The following FAM13A variants were observed in gnomAD, a reference collection of about 807,000 sequenced individuals.
FAM13A encodes family with sequence similarity 13 member A, also known as protein FAM13A.
FAM13A carries 76 observed loss-of-function variants against 129.6 expected under a neutral mutation model. The observed-to-expected ratio is 0.59, with a 90% CI of 0.49 to 0.71. The LOEUF (loss-of-function observed/expected upper bound fraction) is 0.71. FAM13A is among the 30% of genes least tolerant of loss of function. The probability of loss-of-function intolerance (pLI) is 0.00; values close to 1 mark genes in which losing one functional copy is unlikely to be tolerated. For synonymous variants in FAM13A, 443 were observed against 449.9 expected (o/e 0.98, Z 0.20); for missense variants, 1,108 against 1,249.3 (o/e 0.89, Z 1.70).
chr4:88,924,392 T>C (rs1751719844), intron 5 of FAM13A, among the ~76,000 whole-genome samples: 1 of 151,946 alleles, frequency 6.6e-6, no homozygotes, highest in African/African-American at 2.4e-5. Context: ...CCCTCAGAAA[T>C]AACGCCACAT....
At position 88,727,363 on chromosome 4, in the gene FAM13A, C is replaced by G. The variant is rs1367645044; in HGVS notation, c.*1170G>C. The G allele has an allele frequency of 6.6e-6, 1 of 152,576 alleles. No individual in the cohort carries two copies. Among genetic ancestry groups the G allele is most frequent in the Non-Finnish European group, 1.5e-5 (1 of 68,022 alleles). The allele number at this position is 152,576 out of a possible 1,614,324, so 9.5% of individuals were successfully genotyped here. ...ACATTTCCTGGTCCCTCCAAAATGT[C>G]TAATATAGACAGTTTTGTGACAAAG... On this transcript the variant is annotated 3_prime_UTR_variant, in exon 24 of 24. Transcript: ENST00000264344.
At chr4:88,966,094 C>G (rs1759313803) in intron 4 of FAM13A, among the ~76,000 whole-genome samples, 3 of 152,072 alleles carry the variant, frequency 2.0e-5, no homozygotes. Context: ...TGTGGTAGTT[C>G]TATTTTTAAT....
intron 1 of FAM13A, among the ~76,000 whole-genome samples, chr4:89,034,584 C>G (rs1033101522): frequency 1.3e-5 from 2 of 152,118 alleles, no homozygotes; most frequent in Admixed American, 6.5e-5. Flanking sequence ...TAGTATACAT[C>G]AAAGGAAAAT....
intron 4 of FAM13A, among the ~76,000 whole-genome samples, chr4:88,968,930 AC>A (rs780208915): frequency 3.3e-5 from 5 of 152,202 alleles, no homozygotes; most frequent in Non-Finnish European, 7.3e-5. Flanking sequence ...AAGGAGATAC[AC>A]TTTAACTAAG....
intron 13 of FAM13A, among the ~76,000 whole-genome samples, chr4:88,764,580 TG>T (rs1187097527): frequency 6.6e-6 from 1 of 152,144 alleles, no homozygotes; most frequent in Middle Eastern, 3.2e-3. Flanking sequence ...ATCTAGAAAT[TG>T]CTAGTTTTAA....
chr4:89,029,327 C>A, intron 2 of FAM13A, 133 bp downstream of exon 2: 1 of 735,652 alleles, frequency 1.4e-6, no homozygotes, highest in Non-Finnish European at 2.3e-6. Flanking sequence ...AAGTATATTA[C>A]ACAATAACTT....
At chr4:88,955,342 T>C (rs201926449) in intron 4 of FAM13A, among the ~76,000 whole-genome samples, 2,199 of 77,136 alleles carry the variant, frequency 0.029, 59 homozygotes, top group African/African-American at 0.077. Context: ...TGAATACACA[T>C]AGTCTGCCAT....
At chr4:89,014,859 A>G (rs1766250202) in intron 3 of FAM13A, among the ~76,000 whole-genome samples, 1 of 152,226 alleles carries the variant, frequency 6.6e-6, no homozygotes, top group South Asian at 2.1e-4. Flanking sequence ...AAAGAACAGG[A>G]TAACAGCAAT....
At chr4:88,944,781 T>C (rs1211483579) in intron 4 of FAM13A, among the ~76,000 whole-genome samples, 2 of 151,982 alleles carry the variant, frequency 1.3e-5, no homozygotes, top group African/African-American at 2.4e-5. Flanking sequence ...TGGGTGCCTA[T>C]AGTCCCAGCT....
chr4:88,729,353 T>G (rs527382907), intron 23 of FAM13A: 67 of 152,342 alleles, frequency 4.4e-4, no homozygotes, highest in African/African-American at 1.4e-3. Flanking sequence ...TCAGATAACT[T>G]GCCTGCTCTT....
intron 12 of FAM13A, 55 bp from the exon 13 acceptor site, chr4:88,767,650 G>GT: frequency 7.4e-7 from 1 of 1,357,942 alleles, no homozygotes; most frequent in Non-Finnish European, 1.0e-6. Flanking sequence ...GTTTTATAAC[G>GT]TTTTTCATCC....
At chr4:88,982,831 G>A (rs2148991880) in intron 4 of FAM13A, among the ~76,000 whole-genome samples, 1 of 152,308 alleles carries the variant, frequency 6.6e-6, no homozygotes, top group East Asian at 1.9e-4. Flanking sequence ...TCTGTGAGGT[G>A]ATGCCCAGGT....
intron 1 of FAM13A, among the ~76,000 whole-genome samples, chr4:89,045,947 C>T (rs2458546): frequency 0.25 from 37,218 of 150,512 alleles, 4,662 homozygotes; most frequent in Non-Finnish European, 0.28. Flanking sequence ...TCCCTTGAAC[C>T]TGGGAGGCGG....
chr4:88,731,374 T>G lies in FAM13A; in HGVS notation c.2898A>C (p.Arg966=). The change falls in exon 23 of 24, where the codon CGA becomes CGC. Residue 966 remains arginine, a synonymous_variant. Transcript: ENST00000264344. ...TGTCTTCAAAATCCCGAAGTTTCTT[T>G]CGAATCCTTTTCTTTTCTTCTCTCA... is the stretch of plus-strand genomic sequence containing the variant. ...QEMREEKKRI[R]KKLRDFEDNF... 1 of 1,608,748 alleles carries G rather than the reference T, an allele frequency of 6.2e-7. No individual in the cohort carries two copies. The highest frequency in any genetic ancestry group is 8.5e-7 in the Non-Finnish European group (1 of 1,179,726).
rs963574350 is a variant in FAM13A at position 88,951,114 on chromosome 4, T to A, written c.606-12873A>T. ...CGTGCCCCTGGGCTGCTGCTGTTTA[T>A]TATATGTGTCACCCTGGACACCTGA... On this transcript the variant is annotated intron_variant, in intron 4 of 23. Transcript: ENST00000264344. Among the ~76,000 whole-genome samples the A allele has an allele frequency of 3.9e-5, 6 of 152,198 alleles. No individual in the cohort carries two copies. The South Asian group carries it at 1.2e-3, about 32-fold the overall frequency.
At chr4:88,893,425 C>T (rs1484756602) in intron 6 of FAM13A, among the ~76,000 whole-genome samples, 1 of 152,170 alleles carries the variant, frequency 6.6e-6, no homozygotes, top group African/African-American at 2.4e-5. Context: ...GAGATTGAGA[C>T]CATCTTGGCT....
chr4:88,877,807 A>G (rs934760944), intron 6 of FAM13A, among the ~76,000 whole-genome samples: 6 of 152,182 alleles, frequency 3.9e-5, no homozygotes, highest in Non-Finnish European at 7.3e-5. Flanking sequence ...GTCTACCTCA[A>G]CTTTCTCCTT....
chr4:88,927,562 GCTAT>G (rs1752412965), intron 5 of FAM13A, among the ~76,000 whole-genome samples: 1 of 150,938 alleles, frequency 6.6e-6, no homozygotes, highest in African/African-American at 2.4e-5. Context: ...GTTCAGGAGT[GCTAT>G]CTATTTCTGG....
intron 6 of FAM13A, chr4:88,905,569 C>T (rs1017818142): frequency 1.3e-5 from 2 of 152,164 alleles, no homozygotes; most frequent in African/African-American, 2.4e-5. Flanking sequence ...CCTCCACCCT[C>T]GAGGAGGTCC....
Sources: gnomAD v4.1 joint callset for allele counts (sites outside exome capture counted in the v4.1 genomes callset) on GRCh38, gnomAD v4.1.1 for gene constraint, MANE v1.5 for transcripts, NCBI Gene and HGNC (gene_info 2026-07-23, HGNC 2026-07-21) for gene names.